ERC1: variants seen among roughly 807,000 people sequenced by gnomAD.
ERC1 encodes the protein ELKS/RAB6-interacting/CAST family member 1.
A neutral mutation model predicts 132.0 loss-of-function variants in ERC1; 56 were observed. That is an observed-to-expected ratio of 0.42 (90% CI 0.34 to 0.53). The LOEUF is 0.53. ERC1 is among the 20% of genes least tolerant of loss of function. The probability of loss-of-function intolerance (pLI) is 0.03; values close to 1 mark genes in which losing one functional copy is unlikely to be tolerated. For missense variants in ERC1, 1,202 were observed against 1,349.9 expected (o/e 0.89, Z 1.72); for synonymous variants, 478 against 476.1 (o/e 1.00, Z -0.05).
At chr12:1,433,682 G>T (rs1467647210) in intron 17 of ERC1, among the ~76,000 whole-genome samples, 1 of 152,180 alleles carries the variant, frequency 6.6e-6, no homozygotes, top group Non-Finnish European at 1.5e-5. Context: ...CAAGATGGCG[G>T]AGACTTTACT....
chr12:1,365,484 G>A (rs1316977217), intron 15 of ERC1, among the ~76,000 whole-genome samples: 1 of 152,128 alleles, frequency 6.6e-6, no homozygotes, highest in Non-Finnish European at 1.5e-5. Flanking sequence ...TCTGTGCTGG[G>A]AACTATTCTT....
At chr12:1,364,604 C>T (rs1036970687) in intron 15 of ERC1, among the ~76,000 whole-genome samples, 1 of 152,240 alleles carries the variant, frequency 6.6e-6, no homozygotes, top group Admixed American at 6.5e-5. Context: ...TGCTTTCACA[C>T]TTGCCACTCT....
At chr12:1,293,737 AT>A (rs145398529) in intron 15 of ERC1, among the ~76,000 whole-genome samples, 2,412 of 152,300 alleles carry the variant, frequency 0.016, 69 homozygotes, top group African/African-American at 0.055. Flanking sequence ...AGTTAACCAA[AT>A]TATATCCTAG....
intron 12 of ERC1, among the ~76,000 whole-genome samples, chr12:1,191,298 C>T (rs1955708358): frequency 6.6e-6 from 1 of 152,114 alleles, no homozygotes; most frequent in Admixed American, 6.5e-5. Context: ...TTCCCCACAA[C>T]ACACACATGT....
In ERC1 at chr12:1,026,180, A is replaced by G. The variant is rs114628630; in HGVS notation, c.-156-1568A>G. On this transcript the variant is annotated intron_variant, in intron 1 of 18. Transcript: ENST00000360905. Reference sequence around the variant, plus strand: ...CAGAAGGCGAATGAGGAGCAAAATTATGTCTTACATGGCGACAGGCAAGAG... The same window carrying G: ...CAGAAGGCGAATGAGGAGCAAAATTGTGTCTTACATGGCGACAGGCAAGAG... Among the ~76,000 whole-genome samples the G allele has an allele frequency of 7.1e-3, 1,081 of 152,284 alleles. 11 individuals are homozygous for G. Among genetic ancestry groups the G allele is most frequent in the African/African-American group, 0.025 (1,036 of 41,536 alleles).
intron 7 of ERC1, among the ~76,000 whole-genome samples, chr12:1,137,499 G>A (rs773589143): frequency 1.3e-5 from 2 of 152,088 alleles, no homozygotes; most frequent in African/African-American, 2.4e-5. Context: ...GATAATGTTA[G>A]CTACTTTACA....
intron 2 of ERC1, among the ~76,000 whole-genome samples, chr12:1,040,755 A>T (rs1970069650): frequency 6.6e-6 from 1 of 152,018 alleles, no homozygotes; most frequent in South Asian, 2.1e-4. Context: ...TTCCTTCCTA[A>T]TACTGGATTG....
intron 4 of ERC1, among the ~76,000 whole-genome samples, chr12:1,108,817 G>A (rs1300006992): frequency 6.6e-6 from 1 of 152,116 alleles, no homozygotes; most frequent in Non-Finnish European, 1.5e-5. Flanking sequence ...TAAAGGTCAC[G>A]TGATGAGCAA....
chr12:1,442,296 C>T (rs2093177602), intron 17 of ERC1, among the ~76,000 whole-genome samples: 1 of 152,192 alleles, frequency 6.6e-6, no homozygotes. Flanking sequence ...TTGCAAAAAA[C>T]TATCCAGCTC....
chr12:1,190,531 T>C (rs1297166579), intron 12 of ERC1, among the ~76,000 whole-genome samples: 1 of 152,186 alleles, frequency 6.6e-6, no homozygotes, highest in African/African-American at 2.4e-5. Context: ...GTGCATTAGA[T>C]CAAAATTAGG....
intron 14 of ERC1, among the ~76,000 whole-genome samples, chr12:1,274,223 G>A (rs888718230): frequency 4.6e-5 from 7 of 152,072 alleles, no homozygotes; most frequent in South Asian, 2.1e-4. Flanking sequence ...CATTCATTTC[G>A]CTGTTCATTC....
At chr12:1,117,692 T>C (rs190417599) in intron 7 of ERC1, among the ~76,000 whole-genome samples, 55 of 152,382 alleles carry the variant, frequency 3.6e-4, no homozygotes, top group African/African-American at 1.2e-3. Flanking sequence ...GTTTATTTAC[T>C]GCCAGTGTCT....
At chr12:1,164,569 T>C (rs1435097392) in intron 8 of ERC1, among the ~76,000 whole-genome samples, 1 of 152,064 alleles carries the variant, frequency 6.6e-6, no homozygotes, top group African/African-American at 2.4e-5. Context: ...CTCGATCTCC[T>C]GACCTCGTGA....
intron 2 of ERC1, among the ~76,000 whole-genome samples, chr12:1,035,510 T>C (rs899318855): frequency 1.3e-5 from 2 of 152,238 alleles, no homozygotes; most frequent in Non-Finnish European, 2.9e-5. Flanking sequence ...GAATAGTATG[T>C]AACAGGGAAG....
intron 12 of ERC1, among the ~76,000 whole-genome samples, chr12:1,233,179 G>A (rs975431004): frequency 6.6e-6 from 1 of 152,030 alleles, no homozygotes; most frequent in African/African-American, 2.4e-5. Context: ...TTAAGAGTGA[G>A]AAAACCAAGG....
intron 2 of ERC1, among the ~76,000 whole-genome samples, chr12:1,029,780 C>T (rs1476358045): frequency 1.6e-5 from 2 of 126,856 alleles, no homozygotes. Flanking sequence ...CGGAGTCTTG[C>T]TCTGTCTCCC....
intron 1 of ERC1, among the ~76,000 whole-genome samples, chr12:1,019,159 T>A (rs544434302): frequency 3.3e-5 from 5 of 152,368 alleles, no homozygotes; most frequent in African/African-American, 1.2e-4. Flanking sequence ...CGTCTGGCTC[T>A]GTCTCCCAGG....
intron 8 of ERC1, among the ~76,000 whole-genome samples, chr12:1,163,409 A>G (rs1365779580): frequency 1.3e-5 from 2 of 152,248 alleles, no homozygotes; most frequent in Non-Finnish European, 2.9e-5. Flanking sequence ...ATCTAGAAAT[A>G]ATAAACTTCA....
At position 1,413,071 on chromosome 12, in the gene ERC1, G is replaced by C. The variant is rs543908421; in HGVS notation, c.3024+4824G>C. 2.6e-5 allele frequency among the ~76,000 whole-genome samples: 4 copies of C among 152,290 alleles called. No homozygotes were observed. The South Asian group carries it at 8.3e-4, about 32-fold the overall frequency. ...TGAAGACATATTGATGGTGATAGCT[G>C]TCTTCCATCACCACAAGTTTCATCT... On this transcript the variant is annotated intron_variant, in intron 17 of 18. Transcript: ENST00000360905.
Sources: gnomAD v4.1 joint callset for allele counts (sites outside exome capture counted in the v4.1 genomes callset) on GRCh38, gnomAD v4.1.1 for gene constraint, MANE v1.5 for transcripts, NCBI Gene and HGNC (gene_info 2026-07-23, HGNC 2026-07-21) for gene names.